Variants in TSC22D3 observed in about 807,000 individuals in gnomAD.
TSC22D3 encodes the protein TSC22 domain family protein 3.
In TSC22D3, 4 loss-of-function variants were observed where a neutral mutation model predicts 11.1. The ratio of observed to expected loss-of-function variants is 0.36; its 90% confidence interval spans 0.18 to 0.83. The LOEUF (loss-of-function observed/expected upper bound fraction) is 0.83. Among genes scored for constraint, TSC22D3 ranks in the 40% least tolerant of loss-of-function variants. The pLI, the probability that TSC22D3 is intolerant of heterozygous loss-of-function variation, is 0.48. For synonymous variants in TSC22D3, 77 were observed against 70.3 expected (o/e 1.10, Z -0.48); for missense variants, 118 against 159.4 (o/e 0.74, Z 1.40).
chrX:107,717,434 C>A, intron 1 of TSC22D3, among the ~76,000 whole-genome samples: 1 of 112,472 alleles, frequency 8.9e-6, no homozygotes. Flanking sequence ...TCCCTGGACA[C>A]GCGCCCTCAC....
At chrX:107,716,598 G>C (rs1163028343) in intron 1 of TSC22D3, 5 of 918,860 alleles carry the variant, frequency 5.4e-6, no homozygotes, top group Non-Finnish European at 6.8e-6. Context: ...ACAGGGACCG[G>C]CGGCACACAG....
chrX:107,736,766 G>C (rs1437856363), intron 1 of TSC22D3, among the ~76,000 whole-genome samples: 5 of 111,146 alleles, frequency 4.5e-5, no homozygotes, highest in Non-Finnish European at 9.4e-5. Flanking sequence ...GAGTGCTTGG[G>C]CCCAGGGTCA....
chrX:107,724,998 T>C (rs1927546915), intron 1 of TSC22D3, among the ~76,000 whole-genome samples: 1 of 111,256 alleles, frequency 9.0e-6, no homozygotes, highest in African/African-American at 3.3e-5. Context: ...AGAAGTGTGA[T>C]CTGAAGGGTG....
At chrX:107,721,139 A>G (rs113444358) in intron 1 of TSC22D3, among the ~76,000 whole-genome samples, 1 of 112,121 alleles carries the variant, frequency 8.9e-6, no homozygotes, top group African/African-American at 3.2e-5. Flanking sequence ...TTAAAGGGAC[A>G]TAGTAACAAA....
At chrX:107,757,138 G>T (rs1341017492) in intron 1 of TSC22D3, among the ~76,000 whole-genome samples, 1 of 112,953 alleles carries the variant, frequency 8.9e-6, no homozygotes, top group Non-Finnish European at 1.9e-5. Context: ...GAAGTGGCTT[G>T]TATGTAGATT....
intron 1 of TSC22D3, among the ~76,000 whole-genome samples, chrX:107,738,899 G>T (rs536746346): frequency 1.2e-4 from 13 of 111,408 alleles, no homozygotes; most frequent in East Asian, 2.8e-4. Flanking sequence ...GATGCAAACG[G>T]CACGCAGCAG....
intron 1 of TSC22D3, among the ~76,000 whole-genome samples, chrX:107,744,144 T>C (rs1248239277): frequency 8.9e-5 from 10 of 112,215 alleles, no homozygotes; most frequent in Non-Finnish European, 3.8e-5. Context: ...ATTTAATACA[T>C]GCTCAAGCCA....
chrX:107,734,751 T>C (rs1928046530), intron 1 of TSC22D3, among the ~76,000 whole-genome samples: 2 of 110,087 alleles, frequency 1.8e-5, no homozygotes, highest in Admixed American at 1.9e-4. Context: ...GTCACATTTT[T>C]TTTTACCAGT....
Position 107,714,760 on chromosome X carries a change from G to T in TSC22D3, c.373-11C>A. 8.3e-7 allele frequency: 1 copy of T among 1,203,846 alleles called. No individual in the cohort carries two copies. The highest frequency in any genetic ancestry group is 2.2e-5 in the Admixed American group (1 of 46,094). On this transcript the variant is annotated splice_polypyrimidine_tract_variant and intron_variant, in intron 2 of 2. Coordinates refer to ENST00000372383, the MANE Select transcript of TSC22D3 (RefSeq NM_198057.3). ...ATTCTTCACCAGATCCTGCCAATGAGGGAATCATAACAAAGCCATTCCTTA... is the reference window on the plus strand; with the variant it reads ...ATTCTTCACCAGATCCTGCCAATGATGGAATCATAACAAAGCCATTCCTTA...
chrX:107,759,037 C>T (rs1030630688), intron 1 of TSC22D3, among the ~76,000 whole-genome samples: 4 of 111,434 alleles, frequency 3.6e-5, no homozygotes, highest in Non-Finnish European at 7.5e-5. Flanking sequence ...CAGGCCACCA[C>T]GCCTGGCTAG....
upstream of TSC22D3, chrX:107,775,889 C>A (rs1173341778): frequency 8.5e-6 from 1 of 117,160 alleles, no homozygotes; most frequent in Non-Finnish European, 1.8e-5. Flanking sequence ...CTCAGGCTCT[C>A]GGGCTCCCCT....
chrX:107,717,350 G>C (rs745589872), intron 1 of TSC22D3, among the ~76,000 whole-genome samples: 1 of 112,576 alleles, frequency 8.9e-6, no homozygotes, highest in Non-Finnish European at 1.9e-5. Flanking sequence ...AAAGAACAGC[G>C]CTAGTTTGAA....
chrX:107,743,892 C>T (rs189309703), intron 1 of TSC22D3, among the ~76,000 whole-genome samples: 2 of 111,930 alleles, frequency 1.8e-5, no homozygotes, highest in Admixed American at 1.9e-4. Flanking sequence ...ATTCAGATCC[C>T]ACCTTGCTCC....
In TSC22D3 at chrX:107,775,291, A is replaced by G; in HGVS notation, c.129T>C (p.Pro43=). Residue 43 remains proline (P), a synonymous_variant, in exon 1 of 3, where the codon CCT becomes CCC. Coordinates refer to ENST00000372383, the MANE Select transcript of TSC22D3 (RefSeq NM_198057.3). ...SSGENNNPGS[P]TVSNFRQLQE... ...GCAGCTGCCGAAAGTTGCTCACTGT[A>G]GGGCTGCCCGGGTTGTTGTTCTCCC... The G allele has an allele frequency of 8.3e-7, 1 of 1,212,041 alleles. No homozygotes were observed. The highest frequency in any genetic ancestry group is 1.1e-6 in the Non-Finnish European group (1 of 895,546).
intron 1 of TSC22D3, among the ~76,000 whole-genome samples, chrX:107,765,279 C>A (rs1419659291): frequency 3.6e-5 from 4 of 111,960 alleles, no homozygotes; most frequent in African/African-American, 1.3e-4. Context: ...GACCTGCAGA[C>A]CCCAGGAGCA....
chrX:107,725,422 G>A (rs1927573489), intron 1 of TSC22D3, among the ~76,000 whole-genome samples: 1 of 111,504 alleles, frequency 9.0e-6, no homozygotes. Context: ...GTATTTCTCA[G>A]GTGTTTTGGA....
chrX:107,742,461 T>C (rs1221536000), intron 1 of TSC22D3, among the ~76,000 whole-genome samples: 2 of 110,928 alleles, frequency 1.8e-5, no homozygotes, highest in Non-Finnish European at 3.8e-5. Context: ...TGATGCTGCC[T>C]TCTGTGTGGC....
chrX:107,755,859 T>C (rs979373392), intron 1 of TSC22D3, among the ~76,000 whole-genome samples: 7 of 112,106 alleles, frequency 6.2e-5, no homozygotes, highest in African/African-American at 2.3e-4. Context: ...CAATGGAGGC[T>C]GGTGAGGACA....
At chrX:107,718,340 C>T (rs756386310) in intron 1 of TSC22D3, among the ~76,000 whole-genome samples, 37 of 112,331 alleles carry the variant, frequency 3.3e-4, no homozygotes, top group African/African-American at 7.4e-4. Flanking sequence ...AACTCAGGAC[C>T]AAAGGAGAAC....
Sources: allele counts gnomAD v4.1 joint callset (sites outside exome capture counted in the v4.1 genomes callset), GRCh38; gene constraint gnomAD v4.1.1; transcripts MANE v1.5; gene names NCBI Gene and HGNC (gene_info 2026-07-23, HGNC 2026-07-21).